The following VASH2 variants were observed in gnomAD, a reference collection of about 807,000 sequenced individuals.
VASH2 encodes tubulinyl-Tyr carboxypeptidase 2.
Under a neutral mutation model 37.2 loss-of-function variants are expected in VASH2, and 28 were observed. The observed-to-expected ratio is 0.75, with a 90% confidence interval of 0.56 to 1.03. VASH2 has a LOEUF of 1.03. Ranked by LOEUF, VASH2 falls within the 50% of genes least tolerant of loss-of-function variation. The pLI is 0.00. For synonymous variants in VASH2, 188 were observed against 174.7 expected, an observed-to-expected ratio of 1.08 and a Z score of -0.60; for missense variants, 419 against 459.1, an observed-to-expected ratio of 0.91 and a Z score of 0.80.
At chr1:212,952,534 G>A (rs947725206) in intron 2 of VASH2, 1 of 152,328 alleles carries the variant, frequency 6.6e-6, no homozygotes, top group Non-Finnish European at 1.5e-5. Context: ...AAGAGGATGA[G>A]GAGTGAAACT....
At chr1:212,961,963 C>T (rs1027014138) in intron 3 of VASH2, among the ~76,000 whole-genome samples, 1 of 152,166 alleles carries the variant, frequency 6.6e-6, no homozygotes, top group Admixed American at 6.5e-5. Context: ...TCTGTTTTGC[C>T]CTCATCCCTA....
chr1:212,961,222 C>G lies in VASH2; in HGVS notation c.333C>G (p.Leu111=). The change falls in exon 3 of 8, where the codon CTC becomes CTG. Residue 111 remains leucine, a synonymous_variant. Coordinates refer to ENST00000517399, the MANE Select transcript of VASH2 (RefSeq NM_001301056.2). The part of the protein sequence containing the change: ...YRLSMTIPDW[L]QAIQNYMKTL... ...TGTCGATGACGATCCCAGACTGGCT[C>G]CAGGCGATCCAGAATTACATGAAGA... is the stretch of plus-strand genomic sequence containing the variant. 6.2e-7 allele frequency: 1 copy of G among 1,614,208 alleles called. No homozygotes were observed. The highest frequency in any genetic ancestry group is 1.1e-5 in the South Asian group (1 of 91,078).
rs1667017362 is a variant in VASH2 at position 212,971,732 on chromosome 1, A to ATG, written c.498-848_498-847insTG. ...GAGAGCAGAGGACAAGGCTGCCGCC[A>ATG]GTGCTGTGGATGGATTCTGTCAGCA... is the stretch of plus-strand genomic sequence containing the variant. On this transcript the variant is annotated intron_variant, in intron 5 of 7. Coordinates refer to ENST00000517399, the MANE Select transcript of VASH2 (RefSeq NM_001301056.2). This position sits in a 1 kb window ranked among gnomAD's most constrained non-coding sequence, Gnocchi z 4.0. Among the ~76,000 whole-genome samples, 1 of 151,964 alleles carries ATG rather than the reference A, an allele frequency of 6.6e-6. No homozygotes were observed. The highest frequency in any genetic ancestry group is 6.6e-5 in the Admixed American group (1 of 15,244).
Position 212,960,407 on chromosome 1 carries a change from T to G in VASH2, c.277-759T>G, listed in dbSNP as rs193196782. On this transcript the variant is annotated intron_variant, in intron 2 of 7. Transcript: ENST00000517399. ...AGGAGCTGCACTTGTCTGGGGAGAG[T>G]CGAGGCAAGAGGAGGGATCTTCCCT... 3.5e-3 allele frequency among the ~76,000 whole-genome samples: 528 copies of G among 150,874 alleles called. 8 individuals are homozygous for G. Among genetic ancestry groups the G allele is most frequent in the Non-Finnish European group, 2.8e-3 (191 of 67,674 alleles).
intron 5 of VASH2, chr1:212,967,265 T>C: frequency 5.4e-6 from 7 of 1,288,102 alleles, no homozygotes; most frequent in Non-Finnish European, 7.1e-6. Flanking sequence ...CCTTACACAA[T>C]AGTCTCATCC....
chr1:212,951,952 T>G lies in VASH2; in HGVS notation c.276+134T>G. On this transcript the variant is annotated intron_variant, in intron 2 of 7. Coordinates refer to ENST00000517399, the MANE Select transcript of VASH2 (RefSeq NM_001301056.2). This position sits in a 1 kb window ranked among gnomAD's most constrained non-coding sequence, Gnocchi z 4.4. ...GCTACAAACTCCCTTCCTCTCCCCATTCCTTCCTGCCAGCCCTTTTCTAAT... is the reference window on the plus strand; with the variant it reads ...GCTACAAACTCCCTTCCTCTCCCCAGTCCTTCCTGCCAGCCCTTTTCTAAT... 9.3e-7 allele frequency: 1 copy of G among 1,080,524 alleles called. No homozygotes were observed. The highest frequency in any genetic ancestry group is 1.6e-5 in the African/African-American group (1 of 63,322). The allele number at this position is 1,080,524 out of a possible 1,614,324, so 66.9% of individuals were successfully genotyped here. A position where few individuals can be genotyped will look rare whatever the true frequency, so the allele number is the denominator to read the frequency against.
At chr1:212,979,434 G>A (rs1412788099) in intron 7 of VASH2, among the ~76,000 whole-genome samples, 1 of 152,184 alleles carries the variant, frequency 6.6e-6, no homozygotes, top group African/African-American at 2.4e-5. Flanking sequence ...GTGTCATGAG[G>A]AAGCTTGGGA....
intron 7 of VASH2, among the ~76,000 whole-genome samples, chr1:212,986,863 C>T (rs1366245503): frequency 1.3e-5 from 2 of 152,094 alleles, no homozygotes; most frequent in African/African-American, 2.4e-5. Flanking sequence ...AATTCCTGAC[C>T]GATAAAGGAG....
Position 212,951,803 on chromosome 1 carries a change from CGCCTT to C in VASH2, c.262_266del (p.Ala88LeufsTer35). On this transcript the variant is annotated frameshift_variant, in exon 2 of 8. Transcript: ENST00000517399. LOFTEE classifies it high-confidence loss of function. This position sits in a 1 kb window ranked among gnomAD's most constrained non-coding sequence, Gnocchi z 4.4. ...AAATGGTGGGCGCCATCAGGAACGCCGCCTTCTTGGCAAAGGTCAGTGGCTTCCAG... is the reference window on the plus strand; with the variant it reads ...AAATGGTGGGCGCCATCAGGAACGCCCTTGGCAAAGGTCAGTGGCTTCCAG... 6.2e-7 allele frequency: 1 copy of C among 1,605,506 alleles called. No homozygotes were observed. Among genetic ancestry groups the C allele is most frequent in the Non-Finnish European group, 8.5e-7 (1 of 1,178,006 alleles).
intron 7 of VASH2, among the ~76,000 whole-genome samples, chr1:212,983,893 T>C (rs1172287545): frequency 6.6e-6 from 1 of 152,216 alleles, no homozygotes; most frequent in East Asian, 1.9e-4. Flanking sequence ...CTCTAGATTC[T>C]GGGGACCAAC....
intron 3 of VASH2, among the ~76,000 whole-genome samples, chr1:212,962,489 C>A (rs1014498902): frequency 6.6e-6 from 1 of 152,186 alleles, no homozygotes; most frequent in Non-Finnish European, 1.5e-5. Context: ...TGCACACATG[C>A]CCCACATGTC....
At position 212,988,597 on chromosome 1, in the gene VASH2, G is replaced by T. The variant is rs199564533; in HGVS notation, c.*13G>T. On this transcript the variant is annotated 3_prime_UTR_variant, in exon 8 of 8. Transcript: ENST00000517399. ...AATCCGAATTTAGCCAAGCCATACC[G>T]GCCAGCAAGAGGGTTTCTGTGGTGC... The T allele has an allele frequency of 6.2e-7, 1 of 1,613,792 alleles. No homozygotes were observed. Among genetic ancestry groups the T allele is most frequent in the African/African-American group, 1.3e-5 (1 of 74,908 alleles).
chr1:212,970,800 G>T (rs931320002), intron 5 of VASH2, among the ~76,000 whole-genome samples: 1 of 151,942 alleles, frequency 6.6e-6, no homozygotes, highest in African/African-American at 2.4e-5. Context: ...TGAGGCGGGA[G>T]AATCGCTTGA....
intron 7 of VASH2, among the ~76,000 whole-genome samples, chr1:212,976,333 C>T (rs975957454): frequency 2.0e-5 from 3 of 152,152 alleles, no homozygotes; most frequent in African/African-American, 7.2e-5. Context: ...GTAATCCCAA[C>T]ACTTTGAGAG....
intron 7 of VASH2, among the ~76,000 whole-genome samples, chr1:212,987,922 GT>G (rs905194869): frequency 1.3e-5 from 2 of 152,228 alleles, no homozygotes. Flanking sequence ...CTTAGTTGTA[GT>G]TTTATGTTGG....
chr1:212,981,991 G>A (rs561170529), intron 7 of VASH2, among the ~76,000 whole-genome samples: 2 of 152,336 alleles, frequency 1.3e-5, no homozygotes, highest in South Asian at 4.1e-4. Context: ...AGGACTTGGT[G>A]TGCAGCTGTC....
chr1:212,975,598 C>T (rs1195831140), intron 7 of VASH2, among the ~76,000 whole-genome samples: 1 of 152,210 alleles, frequency 6.6e-6, no homozygotes, highest in Admixed American at 6.5e-5. Context: ...TTCAAACATC[C>T]ATTAACTGCT....
chr1:212,976,370 C>G (rs1667172628), intron 7 of VASH2, among the ~76,000 whole-genome samples: 1 of 152,164 alleles, frequency 6.6e-6, no homozygotes, highest in Non-Finnish European at 1.5e-5. Context: ...TGCACAAGCC[C>G]AGGCATTTGA....
rs551275541 is a variant in VASH2 at position 212,964,141 on chromosome 1, ACT to A, written c.366-1578_366-1577del. Among the ~76,000 whole-genome samples, 72 of 152,204 alleles carry A rather than the reference ACT, an allele frequency of 4.7e-4. 1 individual carries two copies. Among genetic ancestry groups the A allele is most frequent in the Admixed American group, 9.8e-4 (15 of 15,294 alleles). ...CTGCTCAGTCATCTAAGGTGAGGTGACTCTGAGTAGCATCTGGGGTTATGCTC... is the reference window on the plus strand; with the variant it reads ...CTGCTCAGTCATCTAAGGTGAGGTGACTGAGTAGCATCTGGGGTTATGCTC... On this transcript the variant is annotated intron_variant, in intron 3 of 7. Coordinates refer to ENST00000517399, the MANE Select transcript of VASH2 (RefSeq NM_001301056.2).
Sources: gnomAD v4.1 joint callset for allele counts (sites outside exome capture counted in the v4.1 genomes callset) on GRCh38, gnomAD v4.1.1 for gene constraint, Gnocchi (gnomAD v3.1) non-coding constraint, MANE v1.5 for transcripts, NCBI Gene and HGNC (gene_info 2026-07-23, HGNC 2026-07-21) for gene names.